Variants in NALF1 observed in about 807,000 individuals in gnomAD.
NALF1 encodes the protein family with sequence similarity 155 member A.
NALF1 carries 3 observed loss-of-function variants against 48.4 expected under a neutral mutation model. The observed-to-expected ratio is 0.06, with a 90% CI of 0.03 to 0.16. The LOEUF (loss-of-function observed/expected upper bound fraction) is 0.16. Among genes scored for constraint, NALF1 ranks in the 10% least tolerant of loss-of-function variants. The pLI is 1.00. For synonymous variants in NALF1, 262 were observed against 245.7 expected, an observed-to-expected ratio of 1.07 and a Z score of -0.62; for missense variants, 526 against 571.5, an observed-to-expected ratio of 0.92 and a Z score of 0.81.
At chr13:107,846,542 CTTACT>C (rs1315623527) in intron 1 of NALF1, among the ~76,000 whole-genome samples, 1 of 152,160 alleles carries the variant, frequency 6.6e-6, no homozygotes, top group Admixed American at 6.5e-5. Context: ...GTGGGAAAAT[CTTACT>C]TTAAAGTAAA....
At chr13:107,390,698 AC>A in intron 1 of NALF1, among the ~76,000 whole-genome samples, 1 of 152,132 alleles carries the variant, frequency 6.6e-6, no homozygotes, top group Non-Finnish European at 1.5e-5. Flanking sequence ...CCAACCTTGG[AC>A]AATGCTGTCA....
chr13:107,690,915 C>T (rs1035471612), intron 1 of NALF1, among the ~76,000 whole-genome samples: 18 of 152,300 alleles, frequency 1.2e-4, no homozygotes, highest in Middle Eastern at 3.4e-3. Flanking sequence ...ATCTATTTAG[C>T]TTTACATAAA....
intron 1 of NALF1, among the ~76,000 whole-genome samples, chr13:107,299,384 C>A (rs1217396144): frequency 1.3e-5 from 2 of 150,832 alleles, no homozygotes; most frequent in African/African-American, 2.4e-5. Flanking sequence ...TAGCAGTGAG[C>A]GAGATCCTGC....
intron 1 of NALF1, among the ~76,000 whole-genome samples, chr13:107,546,863 C>T (rs532098399): frequency 6.6e-6 from 1 of 152,138 alleles, no homozygotes; most frequent in Admixed American, 6.5e-5. Context: ...ATAATAAATG[C>T]CATTTTATGG....
chr13:107,846,339 C>T (rs1052990793), intron 1 of NALF1, among the ~76,000 whole-genome samples: 1 of 152,170 alleles, frequency 6.6e-6, no homozygotes, highest in African/African-American at 2.4e-5. Flanking sequence ...TGCTGAACCA[C>T]AAAAGGCATA....
intron 1 of NALF1, among the ~76,000 whole-genome samples, chr13:107,710,259 T>A (rs147597627): frequency 7.2e-5 from 11 of 152,082 alleles, no homozygotes; most frequent in Non-Finnish European, 1.6e-4. Context: ...CGGTATCTAC[T>A]CCCTAATTTA....
chr13:107,554,718 C>T (rs1877404400), intron 1 of NALF1, among the ~76,000 whole-genome samples: 1 of 152,156 alleles, frequency 6.6e-6, no homozygotes, highest in Non-Finnish European at 1.5e-5. Flanking sequence ...CTGACAGTGG[C>T]TCACCATTCA....
intron 1 of NALF1, among the ~76,000 whole-genome samples, chr13:107,240,349 C>T (rs4772860): frequency 0.48 from 72,285 of 151,980 alleles, 19,416 homozygotes; most frequent in South Asian, 0.61. Flanking sequence ...TTATAAGCAA[C>T]CCAGTTTCTG....
chr13:107,696,089 G>A (rs929117440), intron 1 of NALF1, among the ~76,000 whole-genome samples: 1 of 152,088 alleles, frequency 6.6e-6, no homozygotes, highest in African/African-American at 2.4e-5. Context: ...TAGAGACGGG[G>A]TTTGCACAAT....
intron 1 of NALF1, among the ~76,000 whole-genome samples, chr13:107,257,854 T>G (rs1234152203): frequency 6.6e-6 from 1 of 152,168 alleles, no homozygotes; most frequent in Non-Finnish European, 1.5e-5. Flanking sequence ...CCTCTGCAAG[T>G]CTTTCTCCTA....
chr13:107,818,838 C>T (rs565722497), intron 1 of NALF1, among the ~76,000 whole-genome samples: 28 of 122,784 alleles, frequency 2.3e-4, no homozygotes, highest in Non-Finnish European at 3.5e-4. Flanking sequence ...CGCCACTGCA[C>T]TCCAGCCTGG....
At chr13:107,171,315 G>A (rs1878799129) in intron 2 of NALF1, among the ~76,000 whole-genome samples, 1 of 152,144 alleles carries the variant, frequency 6.6e-6, no homozygotes, top group Non-Finnish European at 1.5e-5. Context: ...ATGTCCAGTG[G>A]GTGATCGGGT....
intron 1 of NALF1, among the ~76,000 whole-genome samples, chr13:107,771,436 T>C (rs573651641): frequency 5.8e-4 from 87 of 151,192 alleles, no homozygotes; most frequent in Non-Finnish European, 9.6e-4. Context: ...TTGTTTTGTT[T>C]TCCTTAACAG....
intron 1 of NALF1, among the ~76,000 whole-genome samples, chr13:107,712,220 A>T (rs976470530): frequency 2.6e-5 from 4 of 152,148 alleles, no homozygotes; most frequent in Non-Finnish European, 5.9e-5. Flanking sequence ...ACTCCATTAA[A>T]CTCAGAGGTT....
chr13:107,562,321 G>A (rs913865532), intron 1 of NALF1, among the ~76,000 whole-genome samples: 2 of 152,130 alleles, frequency 1.3e-5, no homozygotes, highest in Non-Finnish European at 1.5e-5. Flanking sequence ...TAAGAGAAAC[G>A]ACAGTCAAAG....
At chr13:107,510,747 A>T (rs960847181) in intron 1 of NALF1, among the ~76,000 whole-genome samples, 5 of 152,120 alleles carry the variant, frequency 3.3e-5, no homozygotes, top group African/African-American at 2.4e-5. Flanking sequence ...TGTGACCATG[A>T]TGGACCACGA....
chr13:107,422,431 T>C (rs927168395), intron 1 of NALF1, among the ~76,000 whole-genome samples: 1 of 152,106 alleles, frequency 6.6e-6, no homozygotes, highest in Non-Finnish European at 1.5e-5. Context: ...TTTCATAAAA[T>C]AGAGTTTAAA....
intron 1 of NALF1, among the ~76,000 whole-genome samples, chr13:107,728,192 C>T (rs1332243994): frequency 1.3e-5 from 2 of 152,168 alleles, no homozygotes; most frequent in Non-Finnish European, 2.9e-5. Flanking sequence ...TGGGTATATA[C>T]CCAAAGGATT....
intron 1 of NALF1, among the ~76,000 whole-genome samples, chr13:107,510,140 A>G (rs1055513047): frequency 1.3e-5 from 2 of 152,094 alleles, no homozygotes; most frequent in African/African-American, 4.8e-5. Flanking sequence ...CTTTTATAAA[A>G]TCCATATCCC....
Sources: gnomAD v4.1 joint callset for allele counts (sites outside exome capture counted in the v4.1 genomes callset) on GRCh38, gnomAD v4.1.1 for gene constraint, MANE v1.5 for transcripts, NCBI Gene and HGNC (gene_info 2026-07-23, HGNC 2026-07-21) for gene names.